The following AKAP19 variants were observed in gnomAD, a reference collection of about 807,000 sequenced individuals.
AKAP19 encodes A-kinase anchoring protein 19.
At chr2:190,076,338 C>G in the AKAP19 span, among the ~76,000 whole-genome samples, 2 of 152,120 alleles carry the variant, frequency 1.3e-5, no homozygotes, top group Non-Finnish European at 2.9e-5. Context: ...ATTAAAAATG[C>G]CTTCAAACAT....
At chr2:190,052,979 T>A in the AKAP19 span, among the ~76,000 whole-genome samples, 1 of 152,346 alleles carries the variant, frequency 6.6e-6, no homozygotes, top group African/African-American at 2.4e-5. Flanking sequence ...TTAAAGTTGA[T>A]CTTTAAGAAA....
At chr2:190,026,761 C>T in the AKAP19 span, among the ~76,000 whole-genome samples, 1 of 152,118 alleles carries the variant, frequency 6.6e-6, no homozygotes, top group South Asian at 2.1e-4. Flanking sequence ...TATGTAGGAG[C>T]TGAGTGTCAA....
At chr2:189,907,667 A>G in the AKAP19 span, among the ~76,000 whole-genome samples, 6 of 152,252 alleles carry the variant, frequency 3.9e-5, no homozygotes, top group Middle Eastern at 3.4e-3. Flanking sequence ...TAGGCACTCA[A>G]TAAATATTTG....
the AKAP19 span, among the ~76,000 whole-genome samples, chr2:190,124,695 G>A: frequency 6.6e-6 from 1 of 152,110 alleles, no homozygotes; most frequent in African/African-American, 2.4e-5. Context: ...GGGTGACAGA[G>A]ACCCTGTCTT....
chr2:190,139,572 T>A, the AKAP19 span, among the ~76,000 whole-genome samples: 1 of 152,140 alleles, frequency 6.6e-6, no homozygotes. Context: ...GCAAACACAT[T>A]GTTCTTTGCA....
the AKAP19 span, among the ~76,000 whole-genome samples, chr2:190,180,093 G>A: frequency 3.3e-3 from 507 of 152,340 alleles, 4 homozygotes; most frequent in African/African-American, 0.012. This position sits in a 1 kb window ranked among gnomAD's most constrained non-coding sequence, Gnocchi z 6.8. Flanking sequence ...GAGTATTTCT[G>A]TATGGAAAAG....
chr2:190,063,545 A>C, the AKAP19 span, among the ~76,000 whole-genome samples: 1 of 152,170 alleles, frequency 6.6e-6, no homozygotes, highest in Non-Finnish European at 1.5e-5. Flanking sequence ...CTGGCATGGC[A>C]GAGATTATTA....
the AKAP19 span, among the ~76,000 whole-genome samples, chr2:190,128,587 C>A: frequency 4.6e-5 from 7 of 152,148 alleles, no homozygotes; most frequent in Admixed American, 4.6e-4. Flanking sequence ...CTTAAACACA[C>A]AAATAATACA....
chr2:189,907,882 T>C, the AKAP19 span, among the ~76,000 whole-genome samples: 83,975 of 151,992 alleles, frequency 0.55, 27,180 homozygotes, highest in South Asian at 0.74. Flanking sequence ...TAGAATCCTT[T>C]GTGTTTCTGT....
the AKAP19 span, among the ~76,000 whole-genome samples, chr2:190,079,049 T>C: frequency 1.3e-5 from 2 of 152,236 alleles, no homozygotes; most frequent in Non-Finnish European, 2.9e-5. Flanking sequence ...AGATATTTCA[T>C]CCAGCTCTCT....
At chr2:190,072,224 T>C in the AKAP19 span, among the ~76,000 whole-genome samples, 1 of 152,020 alleles carries the variant, frequency 6.6e-6, no homozygotes, top group African/African-American at 2.4e-5. Context: ...GTCATGAGCA[T>C]AAAGATAGCA....
chr2:189,953,132 C>T, the AKAP19 span, among the ~76,000 whole-genome samples: 1 of 152,078 alleles, frequency 6.6e-6, no homozygotes, highest in African/African-American at 2.4e-5. Context: ...GTTCAGGGCC[C>T]ACTTACAAGT....
the AKAP19 span, chr2:189,930,419 C>A: frequency 3.7e-6 from 1 of 269,070 alleles, no homozygotes; most frequent in Non-Finnish European, 7.3e-6. Flanking sequence ...GGCTTCACGC[C>A]TGTAATCCCA....
the AKAP19 span, among the ~76,000 whole-genome samples, chr2:190,066,447 T>A: frequency 6.6e-6 from 1 of 152,186 alleles, no homozygotes; most frequent in Admixed American, 6.5e-5. Flanking sequence ...GAATGAATCA[T>A]GAAAAATTCA....
chr2:190,027,889 C>T, the AKAP19 span, among the ~76,000 whole-genome samples: 1 of 152,124 alleles, frequency 6.6e-6, no homozygotes, highest in Non-Finnish European at 1.5e-5. Flanking sequence ...TGTTTGGCAT[C>T]TATGAATTTA....
the AKAP19 span, among the ~76,000 whole-genome samples, chr2:190,127,589 A>C: frequency 6.6e-6 from 1 of 152,196 alleles, no homozygotes; most frequent in Non-Finnish European, 1.5e-5. Flanking sequence ...AAAGATCTGT[A>C]GGAGGAAATT....
At chr2:190,109,343 T>A in the AKAP19 span, among the ~76,000 whole-genome samples, 1 of 152,148 alleles carries the variant, frequency 6.6e-6, no homozygotes, top group East Asian at 1.9e-4. Context: ...TTAGCCTCTA[T>A]ATTTTCTCAG....
At chr2:189,892,202 C>T in the AKAP19 span, among the ~76,000 whole-genome samples, 1 of 151,716 alleles carries the variant, frequency 6.6e-6, no homozygotes, top group Non-Finnish European at 1.5e-5. Context: ...CAGAGGAGTT[C>T]GTTATTACCC....
the AKAP19 span, chr2:190,201,092 C>T: frequency 6.0e-6 from 1 of 167,030 alleles, no homozygotes; most frequent in Non-Finnish European, 1.5e-5. Context: ...TATTGCAAAA[C>T]GGAAAAGATA....
Sources: allele counts gnomAD v4.1 joint callset (sites outside exome capture counted in the v4.1 genomes callset), GRCh38; gene constraint gnomAD v4.1.1; non-coding constraint Gnocchi (gnomAD v3.1); transcripts MANE v1.5; gene names NCBI Gene and HGNC (gene_info 2026-07-23, HGNC 2026-07-21).